Variants in FGFR2 observed in about 807,000 individuals in gnomAD.
FGFR2 encodes BEK fibroblast growth factor receptor.
A neutral mutation model predicts 95.9 loss-of-function variants in FGFR2; 19 were observed. The ratio of observed to expected loss-of-function variants is 0.20; its 90% CI spans 0.14 to 0.29. The LOEUF (loss-of-function observed/expected upper bound fraction) is 0.29. FGFR2 is among the 10% of genes least tolerant of loss of function. FGFR2 has a pLI of 1.00. For synonymous variants in FGFR2, 392 were observed against 393.3 expected (o/e 1.00, Z 0.04); for missense variants, 707 against 1,056.9 (o/e 0.67, Z 4.59).
intron 2 of FGFR2, among the ~76,000 whole-genome samples, chr10:121,588,371 C>T (rs566326584): frequency 6.7e-6 from 1 of 149,576 alleles, no homozygotes; most frequent in East Asian, 2.0e-4. Flanking sequence ...CATAACAAAC[C>T]TTCACATGTA....
chr10:121,506,582 G>C (rs1174645644), intron 9 of FGFR2, among the ~76,000 whole-genome samples: 1 of 152,224 alleles, frequency 6.6e-6, no homozygotes, highest in East Asian at 1.9e-4. Context: ...CCTGGATGAC[G>C]TTAACACCCA....
rs183819931 is a variant in FGFR2 at position 121,533,563 on chromosome 10, C to T, written c.748+5029G>A. 2.0e-4 allele frequency among the ~76,000 whole-genome samples: 31 copies of T among 152,320 alleles called. No homozygotes were observed. In the East Asian group the frequency reaches 3.3e-3, roughly 16 times the overall value. On this transcript the variant is annotated intron_variant, in intron 6 of 17. Transcript: ENST00000358487. ...AATGCCCAAAAGAAGCAATAATTCA[C>T]GATTCAAAGCCAAATCGTCTACATG... is the stretch of plus-strand genomic sequence containing the variant.
intron 12 of FGFR2, among the ~76,000 whole-genome samples, 193 bp from the exon 13 acceptor site, chr10:121,496,915 G>C (rs1189017364): frequency 6.6e-6 from 1 of 150,768 alleles, no homozygotes; most frequent in Non-Finnish European, 1.5e-5. Context: ...TGGATCACAT[G>C]AGGCCAGGAG....
At chr10:121,596,729 C>T (rs1863476405) in intron 1 of FGFR2, 2 of 193,006 alleles carry the variant, frequency 1.0e-5, no homozygotes, top group African/African-American at 4.6e-5. Context: ...TTGCGAGCAG[C>T]TTGGGGGTGC....
intron 1 of FGFR2, among the ~76,000 whole-genome samples, chr10:121,594,902 T>C (rs1863204222): frequency 6.6e-6 from 1 of 152,270 alleles, no homozygotes; most frequent in African/African-American, 2.4e-5. Flanking sequence ...TTTCAGAGTA[T>C]AAGTTAGAAG....
At chr10:121,516,876 C>A (rs1175687539) in intron 8 of FGFR2, among the ~76,000 whole-genome samples, 5 of 152,184 alleles carry the variant, frequency 3.3e-5, no homozygotes, top group Non-Finnish European at 1.5e-5. Flanking sequence ...GCTCCCCAGG[C>A]TCCTCCATAC....
intron 5 of FGFR2, among the ~76,000 whole-genome samples, 194 bp downstream of exon 5, chr10:121,551,096 T>C (rs1389151616): frequency 1.3e-5 from 2 of 152,060 alleles, no homozygotes; most frequent in African/African-American, 4.8e-5. Context: ...GGCACACACC[T>C]GTAGTCCCAG....
Position 121,598,433 on chromosome 10 carries a change from C to T in FGFR2, c.-622G>A, listed in dbSNP as rs886046768. 22 of 158,870 alleles carry T rather than the reference C, an allele frequency of 1.4e-4. No homozygotes were observed. The highest frequency in any genetic ancestry group is 2.7e-4 in the Non-Finnish European group (20 of 73,414). 9.8% of individuals were successfully genotyped at this position (158,870 alleles called of 1,614,324 possible). A position where few individuals can be genotyped will look rare whatever the true frequency, so the allele number is the denominator to read the frequency against. On this transcript the variant is annotated 5_prime_UTR_variant, in exon 1 of 18. Transcript: ENST00000358487. ...CCCGCCGCCCGCCCGCTCGGCTCTC[C>T]ACCGCGCTCTCCTCCAGCCGCCGCC...
intron 2 of FGFR2, among the ~76,000 whole-genome samples, chr10:121,582,811 A>T (rs898505069): frequency 3.9e-5 from 6 of 152,078 alleles, no homozygotes; most frequent in Admixed American, 1.3e-4. Flanking sequence ...AAGAAAAAGG[A>T]ATTCTACAAC....
chr10:121,509,434 C>T (rs1462130967), intron 9 of FGFR2, among the ~76,000 whole-genome samples: 60 of 109,636 alleles, frequency 5.5e-4, no homozygotes, highest in South Asian at 9.4e-4. Flanking sequence ...TTTTTTTTTT[C>T]CTTTCTTTTT....
chr10:121,527,071 C>T (rs1851477206), intron 6 of FGFR2: 1 of 289,778 alleles, frequency 3.5e-6, no homozygotes, highest in Non-Finnish European at 6.4e-6. Context: ...ACCACTAATG[C>T]CTTTGTGCTT....
intron 4 of FGFR2, among the ~76,000 whole-genome samples, chr10:121,553,064 A>C (rs1236785103): frequency 6.6e-6 from 1 of 152,078 alleles, no homozygotes; most frequent in Non-Finnish European, 1.5e-5. Flanking sequence ...CCAAACACCT[A>C]CCCCAATTAG....
At chr10:121,506,953 A>T (rs12264290) in intron 9 of FGFR2, among the ~76,000 whole-genome samples, 10 of 152,244 alleles carry the variant, frequency 6.6e-5, no homozygotes, top group Non-Finnish European at 1.3e-4. Context: ...ACAACGGAAA[A>T]GAAAACGAAG....
chr10:121,484,709 AGT>A (rs1393509749), intron 16 of FGFR2, among the ~76,000 whole-genome samples: 6 of 152,310 alleles, frequency 3.9e-5, no homozygotes, highest in Non-Finnish European at 7.3e-5. Flanking sequence ...CTCCACTTAA[AGT>A]GTGAGGCAGG....
chr10:121,585,463 C>T (rs920756303), intron 2 of FGFR2, among the ~76,000 whole-genome samples: 4 of 152,182 alleles, frequency 2.6e-5, no homozygotes, highest in Admixed American at 6.5e-5. Flanking sequence ...TTAATGAACA[C>T]CTACTCTGGG....
chr10:121,481,840 A>AT (rs1206908851), intron 17 of FGFR2: 2,506 of 173,412 alleles, frequency 0.014, 10 homozygotes, highest in East Asian at 0.032. Flanking sequence ...TTTTATTTTT[A>AT]TTTTTTTTTT....
chr10:121,553,924 C>A (rs1855745727), intron 4 of FGFR2, among the ~76,000 whole-genome samples: 1 of 152,246 alleles, frequency 6.6e-6, no homozygotes. Flanking sequence ...CCACGCGCAC[C>A]TATGCAGGCC....
At chr10:121,523,502 C>G (rs1265895116) in intron 6 of FGFR2, among the ~76,000 whole-genome samples, 2 of 152,198 alleles carry the variant, frequency 1.3e-5, no homozygotes, top group African/African-American at 4.8e-5. Flanking sequence ...CAGACACACG[C>G]TCCTCTCCTC....
intron 9 of FGFR2, among the ~76,000 whole-genome samples, chr10:121,504,550 C>T (rs2134075663): frequency 6.6e-6 from 1 of 152,274 alleles, no homozygotes; most frequent in East Asian, 1.9e-4. Context: ...CTTTGTTTCT[C>T]CCCAGTCCTT....
Sources: allele counts gnomAD v4.1 joint callset (sites outside exome capture counted in the v4.1 genomes callset), GRCh38; gene constraint gnomAD v4.1.1; transcripts MANE v1.5; gene names NCBI Gene and HGNC (gene_info 2026-07-23, HGNC 2026-07-21).